The following INVS variants were observed in gnomAD, a reference collection of about 807,000 sequenced individuals.
The protein encoded by INVS is inversin.
INVS carries 86 observed loss-of-function variants against 108.8 expected under a neutral mutation model. The ratio of observed to expected loss-of-function variants is 0.79; its 90% CI spans 0.66 to 0.95. The LOEUF is 0.95. Ranked by LOEUF, INVS falls within the 40% of genes least tolerant of loss-of-function variation. INVS has a pLI of 0.00. For synonymous variants in INVS, 455 were observed against 473.5 expected (o/e 0.96, Z 0.51); for missense variants, 1,169 against 1,297.4 (o/e 0.90, Z 1.52).
At chr9:100,104,432 G>A in intron 1 of INVS, 66 bp from the exon 2 acceptor site, 1 of 840,476 alleles carries the variant, frequency 1.2e-6, no homozygotes. Flanking sequence ...ATACCCACTT[G>A]GAACTGATGA....
chr9:100,196,094 C>T (rs1830366185), intron 3 of INVS, among the ~76,000 whole-genome samples: 1 of 152,084 alleles, frequency 6.6e-6, no homozygotes, highest in South Asian at 2.1e-4. Flanking sequence ...GTAGAATTTA[C>T]CAGTGAAACC....
intron 10 of INVS, among the ~76,000 whole-genome samples, chr9:100,257,530 T>C (rs569582457): frequency 6.6e-6 from 1 of 152,356 alleles, no homozygotes; most frequent in South Asian, 2.1e-4. Flanking sequence ...TGGCATGCTT[T>C]TGTAGTGGCT....
chr9:100,101,133 A>G (rs562865691), intron 1 of INVS, among the ~76,000 whole-genome samples: 58 of 144,426 alleles, frequency 4.0e-4, no homozygotes, highest in African/African-American at 1.3e-3. Flanking sequence ...TTCAAAGGGT[A>G]TAAAGAACTT....
rs761234060 is a variant in INVS at position 100,264,811 on chromosome 9, T to A, written c.1465-11T>A. ...ACTCCAGATGTACTTGATTTTTGTT[T>A]ATGCTTATAGGGAAGAACAGCTTTG... is the stretch of plus-strand genomic sequence containing the variant. On this transcript the variant is annotated splice_polypyrimidine_tract_variant and intron_variant, in intron 10 of 16. Coordinates refer to ENST00000262457, the MANE Select transcript of INVS (RefSeq NM_014425.5). 1 of 1,592,308 alleles carries A rather than the reference T, an allele frequency of 6.3e-7. No individual in the cohort carries two copies. Among genetic ancestry groups the A allele is most frequent in the Admixed American group, 1.7e-5 (1 of 59,984 alleles).
chr9:100,162,507 A>G (rs1829222414), intron 3 of INVS, among the ~76,000 whole-genome samples: 1 of 152,212 alleles, frequency 6.6e-6, no homozygotes, highest in South Asian at 2.1e-4. Context: ...GGCATTGCAT[A>G]TAGACCACAA....
intron 3 of INVS, among the ~76,000 whole-genome samples, chr9:100,134,922 T>C (rs7860660): frequency 0.21 from 31,975 of 152,078 alleles, 5,722 homozygotes; most frequent in African/African-American, 0.49. Flanking sequence ...CAGACACTTA[T>C]AAAAAATTTA....
intron 3 of INVS, among the ~76,000 whole-genome samples, chr9:100,132,226 CATGAATGAATGAATGA>C (rs10534746): frequency 4.6e-5 from 7 of 151,004 alleles, no homozygotes; most frequent in South Asian, 2.1e-4. Context: ...TTAAGGAATA[CATGAATGAATGAATGA>C]ATGAATGAAT....
intron 11 of INVS, among the ~76,000 whole-genome samples, chr9:100,266,920 G>A (rs894716716): frequency 1.3e-5 from 2 of 149,206 alleles, no homozygotes; most frequent in African/African-American, 4.9e-5. Flanking sequence ...CCATCTCAGA[G>A]GAAACATGTT....
intron 5 of INVS, among the ~76,000 whole-genome samples, chr9:100,235,833 T>A (rs1351059311): frequency 6.6e-6 from 1 of 152,134 alleles, no homozygotes; most frequent in East Asian, 1.9e-4. Flanking sequence ...GTGAATCTGA[T>A]GATTATGTGT....
intron 1 of INVS, among the ~76,000 whole-genome samples, chr9:100,102,381 C>A (rs112959841): frequency 3.3e-5 from 5 of 152,134 alleles, no homozygotes; most frequent in Non-Finnish European, 7.3e-5. Flanking sequence ...CCGGTCAGAA[C>A]AAAATTGTCC....
intron 13 of INVS, among the ~76,000 whole-genome samples, chr9:100,290,424 A>T (rs1322975311): frequency 6.6e-6 from 1 of 150,584 alleles, no homozygotes; most frequent in Admixed American, 6.6e-5. Context: ...ATCTTGGCTC[A>T]CCGCAACCTC....
At chr9:100,269,554 G>A (rs1832888977) in intron 11 of INVS, among the ~76,000 whole-genome samples, 1 of 152,116 alleles carries the variant, frequency 6.6e-6, no homozygotes, top group Admixed American at 6.5e-5. Flanking sequence ...TTACTAAAGT[G>A]ATCAAAATAC....
At chr9:100,264,679 C>A in intron 10 of INVS, 143 bp from the exon 11 acceptor site, 1 of 666,700 alleles carries the variant, frequency 1.5e-6, no homozygotes, top group Non-Finnish European at 2.7e-6. Context: ...TTTGCTTTCT[C>A]CACTGTATAT....
intron 2 of INVS, chr9:100,116,821 T>C (rs1343343540): frequency 1.4e-6 from 2 of 1,414,896 alleles, no homozygotes; most frequent in Non-Finnish European, 1.9e-6. Flanking sequence ...TCTTGACGAG[T>C]TGGTCAGTGA....
chr9:100,133,074 CAG>C (rs1367038553), intron 3 of INVS, among the ~76,000 whole-genome samples: 1 of 152,146 alleles, frequency 6.6e-6, no homozygotes, highest in African/African-American at 2.4e-5. Context: ...CACTGCACTC[CAG>C]CCTGGGCAAC....
chr9:100,297,014 C>T lies in INVS; in HGVS notation c.2884C>T (p.Leu962Phe). 1 of 1,614,018 alleles carries T rather than the reference C, an allele frequency of 6.2e-7. No individual in the cohort carries two copies. The highest frequency in any genetic ancestry group is 8.5e-7 in the Non-Finnish European group (1 of 1,179,980). ...GAGGCAAGAGTCTACAGCATTGCTC[C>T]TCCAGGTTTGGAGGAAGGAACTGGA... ...RWRQESTALL[L>F]QVWRKELELK... is the part of the protein sequence containing the mutation. Residue 962 changes from leucine to phenylalanine, a missense_variant, in exon 15 of 17, where the codon CTC becomes TTC. Physicochemically the swap from Leu to Phe is conservative, Grantham distance 22. This residue lies in a region of INVS where 533 missense variants were observed against 536.0 expected (regional missense o/e 0.99). Coordinates refer to ENST00000262457, the MANE Select transcript of INVS (RefSeq NM_014425.5).
intron 3 of INVS, among the ~76,000 whole-genome samples, chr9:100,192,017 C>T (rs1830237625): frequency 6.6e-6 from 1 of 152,068 alleles, no homozygotes; most frequent in South Asian, 2.1e-4. Context: ...TAGCAAGGTG[C>T]TTGGTGTGTG....
rs1053326550 is a variant in INVS at position 100,252,369 on chromosome 9, A to G, written c.1165A>G (p.Met389Val). The G allele has an allele frequency of 3.1e-6, 5 of 1,614,028 alleles. No individual in the cohort carries two copies. Among genetic ancestry groups the G allele is most frequent in the Non-Finnish European group, 3.4e-6 (4 of 1,179,908 alleles). The change falls in exon 9 of 17, where the codon ATG (methionine) becomes GTG (valine). Residue 389 changes from methionine (M) to valine (V), a missense_variant. By Grantham distance (21) the Met-to-Val change is conservative (BLOSUM62 1). Around this residue, in one of 3 missense-constraint regions of INVS, gnomAD observed 271 missense variants for 363.8 expected, o/e 0.74. Transcript: ENST00000262457. Reference protein sequence around the residue: ...NNAQVDATDVMKHTPLFRACE... With the variant: ...NNAQVDATDVVKHTPLFRACE... Reference sequence around the variant, plus strand: ...TGCTCAAGTAGATGCTACTGATGTTATGAAACATACTCCACTTTTCCGAGC... The same window carrying G: ...TGCTCAAGTAGATGCTACTGATGTTGTGAAACATACTCCACTTTTCCGAGC...
chr9:100,127,441 T>C (rs368246976), intron 3 of INVS, among the ~76,000 whole-genome samples: 3 of 152,136 alleles, frequency 2.0e-5, no homozygotes, highest in African/African-American at 7.2e-5. Context: ...TAAAGACTTA[T>C]TCACCTAAAA....
Sources: allele counts gnomAD v4.1 joint callset (sites outside exome capture counted in the v4.1 genomes callset), GRCh38; gene constraint gnomAD v4.1.1; regional missense constraint gnomAD v4.1.1; transcripts MANE v1.5; gene names NCBI Gene and HGNC (gene_info 2026-07-23, HGNC 2026-07-21).